The following RAPGEF4 variants were observed in gnomAD, a reference collection of about 807,000 sequenced individuals.
RAPGEF4 encodes RAP guanine-nucleotide-exchange factor (GEF) 4.
A neutral mutation model predicts 147.9 loss-of-function variants in RAPGEF4; 66 were observed. That is an observed-to-expected ratio of 0.45 (90% CI 0.37 to 0.55). The LOEUF (loss-of-function observed/expected upper bound fraction) is 0.55, where lower values mean the gene tolerates loss of function less well. Among genes scored for constraint, RAPGEF4 ranks in the 20% least tolerant of loss-of-function variants. The probability of loss-of-function intolerance (pLI) is 0.00; values close to 1 mark genes in which losing one functional copy is unlikely to be tolerated. For missense variants in RAPGEF4, 1,071 were observed against 1,257.3 expected (o/e 0.85, Z 2.24); for synonymous variants, 419 against 442.7 (o/e 0.95, Z 0.67).
At chr2:172,798,868 G>C (rs1686674715) in intron 3 of RAPGEF4, among the ~76,000 whole-genome samples, 1 of 152,174 alleles carries the variant, frequency 6.6e-6, no homozygotes, top group Non-Finnish European at 1.5e-5. Flanking sequence ...TCAGGCCAGT[G>C]TCCAAATCCT....
chr2:172,941,971 A>C (rs561595521), intron 6 of RAPGEF4, among the ~76,000 whole-genome samples: 1 of 152,022 alleles, frequency 6.6e-6, no homozygotes, highest in African/African-American at 2.4e-5. Flanking sequence ...CCTCATTTAC[A>C]TCTCTGGTCA....
intron 1 of RAPGEF4, among the ~76,000 whole-genome samples, chr2:172,773,159 C>T (rs1683799486): frequency 6.6e-6 from 1 of 151,934 alleles, no homozygotes. Flanking sequence ...CTGAAAAATC[C>T]AGATCTTTTA....
intron 25 of RAPGEF4, 122 bp downstream of exon 25, chr2:173,027,381 G>T: frequency 1.4e-6 from 1 of 739,218 alleles, no homozygotes; most frequent in Non-Finnish European, 2.1e-6. Flanking sequence ...CCAAACACAG[G>T]GTCTTAGGAA....
At chr2:172,891,491 C>T (rs920612486) in intron 4 of RAPGEF4, among the ~76,000 whole-genome samples, 1 of 152,158 alleles carries the variant, frequency 6.6e-6, no homozygotes, top group Non-Finnish European at 1.5e-5. Context: ...GTCATGACAT[C>T]TGTTTATCTC....
chr2:172,960,146 G>A (rs780811842), intron 6 of RAPGEF4, among the ~76,000 whole-genome samples: 24 of 152,130 alleles, frequency 1.6e-4, no homozygotes, highest in Non-Finnish European at 3.2e-4. Flanking sequence ...GCCTAGAGCT[G>A]ATCTGACAGT....
intron 4 of RAPGEF4, among the ~76,000 whole-genome samples, chr2:172,863,170 A>T (rs1345549190): frequency 6.6e-6 from 1 of 152,184 alleles, no homozygotes; most frequent in Non-Finnish European, 1.5e-5. Flanking sequence ...GATTATGGCA[A>T]AGTCTAATGT....
intron 29 of RAPGEF4, among the ~76,000 whole-genome samples, chr2:173,044,178 A>G (rs935659033): frequency 6.7e-6 from 1 of 148,334 alleles, no homozygotes; most frequent in Non-Finnish European, 1.5e-5. Flanking sequence ...GTTTTTCACA[A>G]ACTTTCTGGA....
chr2:172,761,450 A>G (rs1220105017), intron 1 of RAPGEF4, among the ~76,000 whole-genome samples: 1 of 152,082 alleles, frequency 6.6e-6, no homozygotes, highest in Non-Finnish European at 1.5e-5. Flanking sequence ...CCTGAAGTGG[A>G]ACATTTTTCA....
intron 4 of RAPGEF4, among the ~76,000 whole-genome samples, chr2:172,835,656 A>AAC (rs1690841476): frequency 6.6e-6 from 1 of 152,032 alleles, no homozygotes; most frequent in South Asian, 2.1e-4. Context: ...ATAACCTGAT[A>AAC]TTAAATATGT....
At chr2:172,781,532 A>T (rs1684680000) in intron 1 of RAPGEF4, among the ~76,000 whole-genome samples, 1 of 152,216 alleles carries the variant, frequency 6.6e-6, no homozygotes, top group South Asian at 2.1e-4. Flanking sequence ...GGCCTCCCAA[A>T]GTACTGGAAT....
intron 1 of RAPGEF4, among the ~76,000 whole-genome samples, chr2:172,747,495 C>G (rs191581267): frequency 1.3e-3 from 194 of 152,256 alleles, no homozygotes; most frequent in African/African-American, 4.6e-3. Context: ...GAGATAGGAT[C>G]TCACTCTGTC....
chr2:172,918,371 C>CCACACACACACACACACACA (rs377074360), intron 5 of RAPGEF4, among the ~76,000 whole-genome samples: 22 of 137,702 alleles, frequency 1.6e-4, no homozygotes, highest in South Asian at 7.6e-4. Context: ...GATGCTCTTA[C>CCACACACACACACACACACA]CACACACACA....
chr2:172,848,356 G>C (rs1692436675), intron 4 of RAPGEF4, among the ~76,000 whole-genome samples: 1 of 151,832 alleles, frequency 6.6e-6, no homozygotes, highest in Non-Finnish European at 1.5e-5. Context: ...TGTTGAGCTG[G>C]TAGTTTCATT....
chr2:172,816,135 C>T (rs1019895013), intron 4 of RAPGEF4, among the ~76,000 whole-genome samples: 21 of 152,120 alleles, frequency 1.4e-4, no homozygotes. Context: ...CTAATATTAT[C>T]TAATACCCAG....
chr2:172,892,040 T>A (rs1321800395), intron 4 of RAPGEF4, among the ~76,000 whole-genome samples: 1 of 152,116 alleles, frequency 6.6e-6, no homozygotes, highest in East Asian at 1.9e-4. Flanking sequence ...TGGAAGGAAG[T>A]CACAGTGAAT....
intron 8 of RAPGEF4, among the ~76,000 whole-genome samples, chr2:172,961,803 C>T (rs998703804): frequency 2.6e-5 from 4 of 152,200 alleles, no homozygotes; most frequent in African/African-American, 9.6e-5. Flanking sequence ...AAGTTTAGCA[C>T]TTACTGTGTG....
intron 4 of RAPGEF4, among the ~76,000 whole-genome samples, chr2:172,891,942 G>A (rs2149907196): frequency 6.6e-6 from 1 of 152,276 alleles, no homozygotes. Context: ...TTGAATGATT[G>A]AACATACTCA....
At chr2:172,873,139 C>T (rs765252863) in intron 4 of RAPGEF4, among the ~76,000 whole-genome samples, 17 of 152,162 alleles carry the variant, frequency 1.1e-4, no homozygotes, top group Non-Finnish European at 2.4e-4. Flanking sequence ...ACAGTGAATA[C>T]AATGTGTCTA....
intron 3 of RAPGEF4, among the ~76,000 whole-genome samples, chr2:172,805,906 A>T (rs111548915): frequency 4.6e-5 from 7 of 152,254 alleles, no homozygotes; most frequent in African/African-American, 1.7e-4. Flanking sequence ...GTAATATTTT[A>T]ATCGATTTAG....
Sources: allele counts gnomAD v4.1 joint callset (sites outside exome capture counted in the v4.1 genomes callset), GRCh38; gene constraint gnomAD v4.1.1; transcripts MANE v1.5; gene names NCBI Gene and HGNC (gene_info 2026-07-23, HGNC 2026-07-21).